PXDNL: variants seen among roughly 807,000 people sequenced by gnomAD.
PXDNL encodes probable oxidoreductase PXDNL.
In PXDNL, 145 loss-of-function variants were observed where a neutral mutation model predicts 150.8. That is an observed-to-expected ratio of 0.96 (90% CI 0.84 to 1.10). PXDNL has a LOEUF of 1.10. Among genes scored for constraint, PXDNL ranks in the 50% least tolerant of loss-of-function variants. The probability of loss-of-function intolerance (pLI) is 0.00; values close to 1 mark genes in which losing one functional copy is unlikely to be tolerated. For missense variants in PXDNL, 2,087 were observed against 1,873.9 expected, an observed-to-expected ratio of 1.11 and a Z score of -2.10; for synonymous variants, 757 against 725.7, an observed-to-expected ratio of 1.04 and a Z score of -0.69.
chr8:51,645,934 T>G (rs1056197920), intron 2 of PXDNL, among the ~76,000 whole-genome samples: 1 of 151,986 alleles, frequency 6.6e-6, no homozygotes, highest in Non-Finnish European at 1.5e-5. Flanking sequence ...AGGAAAGTGC[T>G]GCGTGCTGAG....
chr8:51,471,009 T>C (rs1309174026), intron 8 of PXDNL, among the ~76,000 whole-genome samples: 1 of 146,536 alleles, frequency 6.8e-6, no homozygotes, highest in Non-Finnish European at 1.5e-5. Context: ...CTAAAGAGCT[T>C]CTGCACAGCA....
At chr8:51,369,826 T>G (rs1384147312) in intron 19 of PXDNL, among the ~76,000 whole-genome samples, 1 of 152,236 alleles carries the variant, frequency 6.6e-6, no homozygotes, top group East Asian at 1.9e-4. Flanking sequence ...CCAACCCTCC[T>G]CTGGTCTGTT....
At chr8:51,372,192 C>A in intron 18 of PXDNL, 111 bp from the exon 19 acceptor site, 1 of 691,910 alleles carries the variant, frequency 1.4e-6, no homozygotes, top group East Asian at 2.7e-5. Context: ...AAGACGCATA[C>A]TGAAAGAATT....
intron 1 of PXDNL, among the ~76,000 whole-genome samples, chr8:51,726,114 C>T (rs766945210): frequency 1.1e-4 from 16 of 152,194 alleles, no homozygotes; most frequent in Non-Finnish European, 1.9e-4. Context: ...AGAAATGCAG[C>T]GTTTTTTGAT....
chr8:51,659,286 A>C (rs771424802), intron 1 of PXDNL, among the ~76,000 whole-genome samples: 2 of 152,214 alleles, frequency 1.3e-5, no homozygotes, highest in Non-Finnish European at 1.5e-5. Flanking sequence ...GTACCAAGAT[A>C]AAAGTTGGGC....
chr8:51,641,536 G>A (rs2130778286), intron 2 of PXDNL, among the ~76,000 whole-genome samples: 1 of 152,208 alleles, frequency 6.6e-6, no homozygotes, highest in East Asian at 1.9e-4. Context: ...CTATCAAAAA[G>A]TGGGCGAAGG....
At chr8:51,431,330 C>T (rs1223895165) in intron 12 of PXDNL, among the ~76,000 whole-genome samples, 1 of 152,150 alleles carries the variant, frequency 6.6e-6, no homozygotes, top group Non-Finnish European at 1.5e-5. Flanking sequence ...TGTCTCTTTA[C>T]TGTTTCCCTC....
At chr8:51,617,004 G>GA (rs1814144000) in intron 2 of PXDNL, among the ~76,000 whole-genome samples, 1 of 152,016 alleles carries the variant, frequency 6.6e-6, no homozygotes. Context: ...TGAACTCTGA[G>GA]AATCAGAACC....
intron 1 of PXDNL, among the ~76,000 whole-genome samples, chr8:51,736,590 T>G (rs1057322242): frequency 6.6e-6 from 1 of 152,210 alleles, no homozygotes; most frequent in Non-Finnish European, 1.5e-5. Flanking sequence ...AAAACCTGCT[T>G]GTAACAAAGG....
intron 4 of PXDNL, among the ~76,000 whole-genome samples, chr8:51,553,572 C>T (rs995963879): frequency 5.3e-5 from 8 of 152,082 alleles, no homozygotes; most frequent in Admixed American, 2.0e-4. Context: ...TTTATATATG[C>T]GCATTGAAAA....
In PXDNL at chr8:51,449,010, G is replaced by T; in HGVS notation, c.1358C>A (p.Thr453Lys). The part of the protein sequence containing the change: ...DGNPPPVIVW[T>K]KTGGQLPVEG... ...TGCAGATGTTCTAATACCTGTTTTTGTCCAGACAATAACAGGAGGTGGGTT... is the reference window on the plus strand; with the variant it reads ...TGCAGATGTTCTAATACCTGTTTTTTTCCAGACAATAACAGGAGGTGGGTT... The change falls in exon 11 of 23, where the codon ACA (threonine) becomes AAA (lysine). Residue 453 changes from threonine to lysine, a missense_variant. Thr to Lys is a moderately conservative substitution (Grantham distance 78). Coordinates refer to ENST00000356297, the MANE Select transcript of PXDNL (RefSeq NM_144651.5). 1 of 1,531,080 alleles carries T rather than the reference G, an allele frequency of 6.5e-7. No individual in the cohort carries two copies. The highest frequency in any genetic ancestry group is 8.9e-7 in the Non-Finnish European group (1 of 1,128,280). 94.8% of individuals were successfully genotyped at this position (1,531,080 alleles called of 1,614,324 possible). A position where few individuals can be genotyped will look rare whatever the true frequency, so the allele number is the denominator to read the frequency against.
intron 1 of PXDNL, among the ~76,000 whole-genome samples, chr8:51,721,144 A>AGG (rs1816723603): frequency 6.6e-6 from 1 of 152,214 alleles, no homozygotes; most frequent in Non-Finnish European, 1.5e-5. Flanking sequence ...CAACCTTCAA[A>AGG]GGGCACACCA....
At chr8:51,387,408 G>A (rs149076790) in intron 17 of PXDNL, among the ~76,000 whole-genome samples, 69 of 152,294 alleles carry the variant, frequency 4.5e-4, no homozygotes, top group Middle Eastern at 3.4e-3. Flanking sequence ...CCATCAAGTA[G>A]AGTAACTGCT....
chr8:51,543,250 T>C (rs982393569), intron 4 of PXDNL, among the ~76,000 whole-genome samples: 10 of 152,328 alleles, frequency 6.6e-5, no homozygotes, highest in African/African-American at 2.4e-4. Flanking sequence ...TGCCCGGTGA[T>C]ACTACTCTGC....
chr8:51,422,052 C>G (rs1284745281), intron 14 of PXDNL, among the ~76,000 whole-genome samples: 1 of 152,054 alleles, frequency 6.6e-6, no homozygotes, highest in African/African-American at 2.4e-5. Context: ...CTAATAGGAG[C>G]ACAAACCCTA....
At chr8:51,592,189 CAAGTTTATTA>C (rs1171540506) in intron 3 of PXDNL, among the ~76,000 whole-genome samples, 1 of 152,148 alleles carries the variant, frequency 6.6e-6, no homozygotes, top group African/African-American at 2.4e-5. Context: ...GGTCCTTACC[CAAGTTTATTA>C]AAGTTCCTAA....
rs531544699 is a variant in PXDNL, at chr8:51,546,409, G to A, written c.380+10431C>T. Among the ~76,000 whole-genome samples the A allele has an allele frequency of 3.3e-5, 5 of 152,306 alleles. No homozygotes were observed. In the East Asian group the frequency reaches 7.7e-4, roughly 24 times the overall value. On this transcript the variant is annotated intron_variant, in intron 4 of 22. Coordinates refer to ENST00000356297, the MANE Select transcript of PXDNL (RefSeq NM_144651.5). ...TTGGATGGGATTTAGGGAGCTGAGT[G>A]AAATATAAAAGTAGATAAAGCAGCA... is the stretch of plus-strand genomic sequence containing the variant.
At chr8:51,330,545 C>T (rs1327052202) in intron 21 of PXDNL, among the ~76,000 whole-genome samples, 1 of 151,056 alleles carries the variant, frequency 6.6e-6, no homozygotes. Context: ...TTTACTTTCT[C>T]ACAGCTCTAG....
At chr8:51,608,527 T>C (rs1315142994) in intron 2 of PXDNL, among the ~76,000 whole-genome samples, 1 of 147,924 alleles carries the variant, frequency 6.8e-6, no homozygotes, top group Non-Finnish European at 1.5e-5. Context: ...AAAGCATTAA[T>C]AGGACAAAGG....
Sources: allele counts gnomAD v4.1 joint callset (sites outside exome capture counted in the v4.1 genomes callset), GRCh38; gene constraint gnomAD v4.1.1; transcripts MANE v1.5; gene names NCBI Gene and HGNC (gene_info 2026-07-23, HGNC 2026-07-21).